Variants in NLGN1 observed in about 807,000 individuals in gnomAD.
NLGN1 encodes the protein neuroligin 1.
A neutral mutation model predicts 65.5 loss-of-function variants in NLGN1; 12 were observed. The observed-to-expected ratio is 0.18, with a 90% CI of 0.12 to 0.30. The LOEUF is 0.30. Ranked by LOEUF, NLGN1 falls within the 10% of genes least tolerant of loss-of-function variation. The probability of loss-of-function intolerance (pLI) is 1.00; values close to 1 mark genes in which losing one functional copy is unlikely to be tolerated. For synonymous variants in NLGN1, 350 were observed against 359.5 expected, an observed-to-expected ratio of 0.97 and a Z score of 0.30; for missense variants, 750 against 1,007.1, an observed-to-expected ratio of 0.74 and a Z score of 3.46.
rs575502517 is a variant in NLGN1 at position 173,802,799 on chromosome 3, G to A, written c.494-4881G>A. Among the ~76,000 whole-genome samples, 256 of 151,494 alleles carry A rather than the reference G, an allele frequency of 1.7e-3. 1 individual carries two copies. Among genetic ancestry groups the A allele is most frequent in the African/African-American group, 5.6e-3 (231 of 41,270 alleles). On this transcript the variant is annotated intron_variant, in intron 3 of 6. Coordinates refer to ENST00000457714, the Ensembl canonical transcript of NLGN1. ...CAGCCACTGAATTGCAAGGCCACTG[G>A]CCATATTCCTGGGTATACAAAAAGA...
intron 2 of NLGN1, among the ~76,000 whole-genome samples, chr3:173,504,483 T>C (rs1731670578): frequency 6.6e-6 from 1 of 152,024 alleles, no homozygotes; most frequent in African/African-American, 2.4e-5. Flanking sequence ...AGAGGAAAAA[T>C]AGAGTTTGCA....
chr3:173,487,811 T>G (rs1335228059), intron 2 of NLGN1, among the ~76,000 whole-genome samples: 1 of 152,062 alleles, frequency 6.6e-6, no homozygotes, highest in Non-Finnish European at 1.5e-5. Context: ...TCTTCATTCC[T>G]TTCTTGAAAT....
intron 3 of NLGN1, among the ~76,000 whole-genome samples, chr3:173,756,818 C>T (rs1384225662): frequency 6.8e-6 from 1 of 147,158 alleles, no homozygotes; most frequent in Non-Finnish European, 1.5e-5. Flanking sequence ...CAAAAACCTA[C>T]GGTAGAAAAA....
chr3:173,528,578 A>C (rs537700434), intron 2 of NLGN1, among the ~76,000 whole-genome samples: 1 of 152,250 alleles, frequency 6.6e-6, no homozygotes, highest in South Asian at 2.1e-4. Flanking sequence ...AGTAACTATA[A>C]TTCATAGGTT....
rs1382784459 is a variant in NLGN1 at position 174,280,725 on chromosome 3, A to G, written c.1894A>G (p.Thr632Ala). The G allele has an allele frequency of 5.6e-6, 9 of 1,613,358 alleles. No individual in the cohort carries two copies. The South Asian group carries it at 9.9e-5, about 18-fold the overall frequency. The change falls in exon 7 of 7, where the codon ACT becomes GCT. Residue 632 changes from threonine (T) to alanine (A), a missense_variant. Coordinates refer to ENST00000457714, the Ensembl canonical transcript of NLGN1. This position sits in a 1 kb window ranked among gnomAD's most constrained non-coding sequence, Gnocchi z 4.9. ...CTCTACAACAACTAAAGTGCCATCA[A>G]CTGACATCACTTTCAGACCTACGAG... is the stretch of plus-strand genomic sequence containing the variant.
chr3:174,281,353 C>T (rs1751515104), exon 7 of NLGN1: 1 of 1,187,620 alleles, frequency 8.4e-7, no homozygotes, highest in Non-Finnish European at 1.2e-6. Flanking sequence ...AGTAAACGAT[C>T]ACTGAAGATT....
Position 174,221,603 on chromosome 3 carries a change from AT to A in NLGN1, c.647-53700del, listed in dbSNP as rs34735507. ...GTTATACTTAAATAAACATACATTA[AT>A]TTTTTTTTTTTCTAAAAACTGGGGC... On this transcript the variant is annotated intron_variant, in intron 4 of 6. Transcript: ENST00000457714. Among the ~76,000 whole-genome samples, 51 of 149,344 alleles carry A rather than the reference AT, an allele frequency of 3.4e-4. 1 individual carries two copies. Among genetic ancestry groups the A allele is most frequent in the South Asian group, 1.7e-3 (8 of 4,718 alleles).
chr3:173,736,322 C>T (rs570288891), intron 3 of NLGN1, among the ~76,000 whole-genome samples: 31 of 152,022 alleles, frequency 2.0e-4, no homozygotes, highest in African/African-American at 5.3e-4. Flanking sequence ...AAATTTTTCC[C>T]GTCCCCCACT....
intron 4 of NLGN1, among the ~76,000 whole-genome samples, chr3:174,084,595 ATCAGTAT>A (rs1742895153): frequency 6.6e-6 from 1 of 152,082 alleles, no homozygotes; most frequent in African/African-American, 2.4e-5. Flanking sequence ...AATTGTGTTT[ATCAGTAT>A]TCAGAAGTCA....
chr3:173,489,651 A>G (rs976097030), intron 2 of NLGN1, among the ~76,000 whole-genome samples: 3 of 152,034 alleles, frequency 2.0e-5, no homozygotes, highest in African/African-American at 7.3e-5. Context: ...ATCCCTGAGG[A>G]ATCGCCACAC....
At chr3:173,455,813 T>C (rs556819569) in intron 2 of NLGN1, among the ~76,000 whole-genome samples, 1 of 152,274 alleles carries the variant, frequency 6.6e-6, no homozygotes, top group East Asian at 1.9e-4. Context: ...TACACTGTTA[T>C]GGAGGCTGAG....
At chr3:173,600,189 G>A (rs1210870470) in intron 2 of NLGN1, among the ~76,000 whole-genome samples, 1 of 91,894 alleles carries the variant, frequency 1.1e-5, no homozygotes, top group African/African-American at 3.7e-5. Flanking sequence ...GTACATGTGT[G>A]TACATGTGTG....
At chr3:174,212,147 T>G (rs952367867) in intron 4 of NLGN1, among the ~76,000 whole-genome samples, 4 of 152,138 alleles carry the variant, frequency 2.6e-5, no homozygotes, top group Non-Finnish European at 5.9e-5. Flanking sequence ...CGGTGAGAAA[T>G]GGAGCACAGC....
At chr3:173,531,938 C>A (rs1043367861) in intron 2 of NLGN1, among the ~76,000 whole-genome samples, 126 of 152,260 alleles carry the variant, frequency 8.3e-4, no homozygotes, top group Middle Eastern at 3.4e-3. Context: ...TTTCCCCGGG[C>A]TCTTCAGCCA....
chr3:174,252,383 A>G lies in NLGN1; in HGVS notation c.647-22932A>G, dbSNP rs187587330. Among the ~76,000 whole-genome samples the G allele has an allele frequency of 1.5e-3, 221 of 152,336 alleles. 3 individuals are homozygous for G. The highest frequency in any genetic ancestry group is 0.012 in the Admixed American group (176 of 15,300). ...GTAAAGCGAAAAGGAGAGGAAATGTATAAAATTCATATTATAACAAAATAT... is the reference window on the plus strand; with the variant it reads ...GTAAAGCGAAAAGGAGAGGAAATGTGTAAAATTCATATTATAACAAAATAT... On this transcript the variant is annotated intron_variant, in intron 4 of 6. Coordinates refer to ENST00000457714, the Ensembl canonical transcript of NLGN1.
chr3:174,093,257 GA>G (rs1428556140), intron 4 of NLGN1, among the ~76,000 whole-genome samples: 8 of 152,162 alleles, frequency 5.3e-5, no homozygotes, highest in Non-Finnish European at 7.4e-5. Flanking sequence ...ATATCTATCT[GA>G]AGTGAATTTA....
In NLGN1 at chr3:173,448,934, C is replaced by T. The variant is rs1352311787; in HGVS notation, c.-321+13856C>T. Among the ~76,000 whole-genome samples, 3 of 152,164 alleles carry T rather than the reference C, an allele frequency of 2.0e-5. No homozygotes were observed. The South Asian group carries it at 6.2e-4, about 32-fold the overall frequency. On this transcript the variant is annotated intron_variant, in intron 2 of 6. Coordinates refer to ENST00000457714, the Ensembl canonical transcript of NLGN1. ...TCCCCTTTTTCATTTTTTATTGCAT[C>T]TATTTGATTCTTCTCTCTTTTCTTC...
At chr3:173,744,801 A>G (rs576810658) in intron 3 of NLGN1, among the ~76,000 whole-genome samples, 1 of 151,002 alleles carries the variant, frequency 6.6e-6, no homozygotes, top group South Asian at 2.1e-4. Context: ...ACTGATTGGC[A>G]GTGGTACTAA....
chr3:173,431,292 T>C (rs573456365), intron 1 of NLGN1, among the ~76,000 whole-genome samples: 1 of 152,284 alleles, frequency 6.6e-6, no homozygotes, highest in African/African-American at 2.4e-5. Flanking sequence ...CGAGGATAAT[T>C]GTGTTTCCTT....
Sources: gnomAD v4.1 joint callset for allele counts (sites outside exome capture counted in the v4.1 genomes callset) on GRCh38, gnomAD v4.1.1 for gene constraint, Gnocchi (gnomAD v3.1) non-coding constraint, MANE v1.5 for transcripts, NCBI Gene and HGNC (gene_info 2026-07-23, HGNC 2026-07-21) for gene names.